Variants in SLCO2B1 observed in about 807,000 individuals in gnomAD.
SLCO2B1 encodes OATP-RP2.
In SLCO2B1, 41 loss-of-function variants were observed where a neutral mutation model predicts 67.3. That is an observed-to-expected ratio of 0.61 (90% CI 0.47 to 0.79). The LOEUF (loss-of-function observed/expected upper bound fraction) is 0.79. Among genes scored for constraint, SLCO2B1 ranks in the 30% least tolerant of loss-of-function variants. The pLI is 0.00. For missense variants in SLCO2B1, 837 were observed against 920.1 expected, an observed-to-expected ratio of 0.91 and a Z score of 1.17; for synonymous variants, 379 against 381.4, an observed-to-expected ratio of 0.99 and a Z score of 0.07.
intron 6 of SLCO2B1, among the ~76,000 whole-genome samples, chr11:75,172,073 G>C (rs78372614): frequency 6.6e-6 from 1 of 152,314 alleles, no homozygotes; most frequent in East Asian, 1.9e-4. Flanking sequence ...GAGGCACAAA[G>C]AGGTTGTGTA....
In SLCO2B1 at chr11:75,159,013, G is replaced by A. The variant is rs117300650; in HGVS notation, c.17-3642G>A. 2.4e-3 allele frequency among the ~76,000 whole-genome samples: 368 copies of A among 152,344 alleles called. 2 individuals are homozygous for A. The highest frequency in any genetic ancestry group is 3.8e-3 in the Non-Finnish European group (259 of 68,026). On this transcript the variant is annotated intron_variant, in intron 1 of 13. Transcript: ENST00000289575. ...CCCATGAAGGGCAGCCCCTTGAAGGGTGAGTCTCTGACTGACCAGATACCT... is the reference window on the plus strand; with the variant it reads ...CCCATGAAGGGCAGCCCCTTGAAGGATGAGTCTCTGACTGACCAGATACCT...
Position 75,193,021 on chromosome 11 carries a change from C to T in SLCO2B1, c.1076-197C>T, listed in dbSNP as rs538990575. Among the ~76,000 whole-genome samples the T allele has an allele frequency of 1.8e-3, 272 of 151,154 alleles. No homozygotes were observed. Among genetic ancestry groups the T allele is most frequent in the African/African-American group, 6.2e-3 (255 of 41,096 alleles). On this transcript the variant is annotated intron_variant, in intron 8 of 13. Transcript: ENST00000289575. This position sits in a 1 kb window ranked among gnomAD's most constrained non-coding sequence, Gnocchi z 4.2. ...TTGCGCCACTGCACCCCAGCCTGGG[C>T]GACAGAGAGAGAAAAAAAAAGGGAC...
chr11:75,166,016 C>T, intron 4 of SLCO2B1, 67 bp downstream of exon 4: 1 of 1,522,304 alleles, frequency 6.6e-7, no homozygotes, highest in South Asian at 1.2e-5. Flanking sequence ...CTGGGGCCCA[C>T]CCCACAGGCA....
intron 7 of SLCO2B1, among the ~76,000 whole-genome samples, chr11:75,173,484 G>A (rs904922224): frequency 2.0e-5 from 3 of 152,238 alleles, no homozygotes; most frequent in Admixed American, 1.3e-4. Flanking sequence ...CCCTTCCAGC[G>A]GGCACAGTCT....
intron 2 of SLCO2B1, 81 bp from the exon 3 acceptor site, chr11:75,163,882 T>C: frequency 6.7e-7 from 1 of 1,481,800 alleles, no homozygotes; most frequent in South Asian, 1.3e-5. Context: ...TCTCTACTCC[T>C]TGCTGCTCCC....
At chr11:75,163,821 C>T (rs1949853089) in intron 2 of SLCO2B1, 142 bp from the exon 3 acceptor site, 1 of 903,452 alleles carries the variant, frequency 1.1e-6, no homozygotes, top group East Asian at 2.7e-5. Flanking sequence ...TGTCTCTCTT[C>T]TGTTGGTCAC....
chr11:75,174,560 G>A (rs943227195), intron 7 of SLCO2B1, among the ~76,000 whole-genome samples: 1 of 152,222 alleles, frequency 6.6e-6, no homozygotes, highest in African/African-American at 2.4e-5. Context: ...GGGATTGGGT[G>A]CAGCTGTCTC....
At chr11:75,164,137 G>C in intron 3 of SLCO2B1, 37 bp downstream of exon 3, 2 of 1,593,434 alleles carry the variant, frequency 1.3e-6, no homozygotes, top group Non-Finnish European at 8.5e-7. Context: ...TGGACACTGA[G>C]GGAGGCTTGC....
At chr11:75,166,619 C>T (rs991868143) in intron 4 of SLCO2B1, among the ~76,000 whole-genome samples, 22 of 152,226 alleles carry the variant, frequency 1.4e-4, no homozygotes, top group African/African-American at 5.3e-4. Flanking sequence ...TCTATCCACC[C>T]ATCGATCCAT....
chr11:75,200,294 G>A lies in SLCO2B1; in HGVS notation c.1670G>A (p.Cys557Tyr). 6.2e-7 allele frequency: 1 copy of A among 1,613,904 alleles called. No individual in the cohort carries two copies. ...CTGGCAGGATCCTGCGACTCAACGTGCAGCCATCTGGTGGTGCCCTTCCTG... is the reference window on the plus strand; with the variant it reads ...CTGGCAGGATCCTGCGACTCAACGTACAGCCATCTGGTGGTGCCCTTCCTG... ...PVLAGSCDST[C>Y]SHLVVPFLLL... is the part of the protein sequence containing the mutation. Residue 557 changes from cysteine to tyrosine, a missense_variant, in exon 11 of 14, where the codon TGC becomes TAC. Coordinates refer to ENST00000289575, the MANE Select transcript of SLCO2B1 (RefSeq NM_007256.5).
intron 8 of SLCO2B1, among the ~76,000 whole-genome samples, chr11:75,190,787 G>A (rs2140335105): frequency 6.6e-6 from 1 of 152,244 alleles, no homozygotes; most frequent in African/African-American, 2.4e-5. Context: ...CCTCTAGCTG[G>A]GTGAGGCTCC....
intron 1 of SLCO2B1, among the ~76,000 whole-genome samples, chr11:75,160,195 G>A (rs2140304026): frequency 6.6e-6 from 1 of 152,364 alleles, no homozygotes; most frequent in African/African-American, 2.4e-5. Flanking sequence ...TTGGTGGACT[G>A]GCACTGCTAC....
At chr11:75,175,597 A>T (rs1950013495) in intron 7 of SLCO2B1, among the ~76,000 whole-genome samples, 1 of 151,830 alleles carries the variant, frequency 6.6e-6, no homozygotes, top group Admixed American at 6.6e-5. Context: ...GCCCCCGAGA[A>T]GGTTTCTGGC....
At chr11:75,172,070 A>C (rs570923800) in intron 6 of SLCO2B1, among the ~76,000 whole-genome samples, 64 of 152,354 alleles carry the variant, frequency 4.2e-4, no homozygotes, top group Middle Eastern at 6.8e-3. Flanking sequence ...ACTGAGGCAC[A>C]AAGAGGTTGT....
At chr11:75,203,174 G>A in intron 12 of SLCO2B1, 133 bp from the exon 13 acceptor site, 1 of 1,346,288 alleles carries the variant, frequency 7.4e-7, no homozygotes. Flanking sequence ...CGGATGCAGG[G>A]GTGGGGCGGG....
chr11:75,175,135 G>T (rs181507730), intron 7 of SLCO2B1, among the ~76,000 whole-genome samples: 4 of 152,308 alleles, frequency 2.6e-5, no homozygotes, highest in Admixed American at 2.0e-4. Context: ...GATGGGGAGT[G>T]GGGAGGGAAG....
At chr11:75,191,205 T>C (rs1007912643) in intron 8 of SLCO2B1, among the ~76,000 whole-genome samples, 16 of 152,098 alleles carry the variant, frequency 1.1e-4, no homozygotes, top group Admixed American at 9.8e-4. Context: ...AGGAAACTCC[T>C]GGCCTTAAAC....
chr11:75,157,961 T>A (rs2140302015), intron 1 of SLCO2B1, among the ~76,000 whole-genome samples: 1 of 152,280 alleles, frequency 6.6e-6, no homozygotes, highest in East Asian at 1.9e-4. Context: ...CAAATTTATT[T>A]AATATAAGTT....
intron 13 of SLCO2B1, 97 bp downstream of exon 13, chr11:75,203,524 T>C (rs1945219903): frequency 2.7e-6 from 4 of 1,489,204 alleles, no homozygotes; most frequent in Non-Finnish European, 3.7e-6. Context: ...CATTTAAGTC[T>C]ACCTGCTAGG....
Sources: gnomAD v4.1 joint callset for allele counts (sites outside exome capture counted in the v4.1 genomes callset) on GRCh38, gnomAD v4.1.1 for gene constraint, Gnocchi (gnomAD v3.1) non-coding constraint, MANE v1.5 for transcripts, NCBI Gene and HGNC (gene_info 2026-07-23, HGNC 2026-07-21) for gene names.